CCDC61: variants seen among roughly 807,000 people sequenced by gnomAD.
CCDC61 encodes coiled-coil domain containing 61.
CCDC61 carries 55 observed loss-of-function variants against 63.0 expected under a neutral mutation model. The observed-to-expected ratio is 0.87, with a 90% CI of 0.70 to 1.09. The LOEUF is 1.09. Among genes scored for constraint, CCDC61 ranks in the 50% least tolerant of loss-of-function variants. The probability of loss-of-function intolerance (pLI) is 0.00; values close to 1 mark genes in which losing one functional copy is unlikely to be tolerated. For synonymous variants in CCDC61, 270 were observed against 317.0 expected (o/e 0.85, Z 1.58); for missense variants, 651 against 731.4 (o/e 0.89, Z 1.27).
chr19:46,013,972 C>T (rs1399260735), intron 5 of CCDC61, among the ~76,000 whole-genome samples: 1 of 152,100 alleles, frequency 6.6e-6, no homozygotes, highest in Non-Finnish European at 1.5e-5. Flanking sequence ...TCCAATGTGC[C>T]ACCAACTTTG....
rs182216344 is a variant in CCDC61 at position 46,010,265 on chromosome 19, T to C, written c.551+1964T>C. On this transcript the variant is annotated intron_variant, in intron 5 of 13. Coordinates refer to ENST00000595358, the MANE Select transcript of CCDC61 (RefSeq NM_001267723.2). Reference sequence around the variant, plus strand: ...AACTGCCCAGGGCCACCCAGCTTGTTAACAAGTGGAATAGAGTTGAATGCA... The same window carrying C: ...AACTGCCCAGGGCCACCCAGCTTGTCAACAAGTGGAATAGAGTTGAATGCA... 3.2e-3 allele frequency among the ~76,000 whole-genome samples: 486 copies of C among 152,312 alleles called. 3 individuals are homozygous for C. The highest frequency in any genetic ancestry group is 0.011 in the African/African-American group (456 of 41,584).
rs561317821 is a variant in CCDC61, at chr19:46,016,552, G to T, written c.1092-142G>T. 113 of 1,409,600 alleles carry T rather than the reference G, an allele frequency of 8.0e-5. No homozygotes were observed. In the African/African-American group the frequency reaches 1.4e-3, roughly 17 times the overall value. The allele number at this position is 1,409,600 out of a possible 1,614,324, so 87.3% of individuals were successfully genotyped here. A position where few individuals can be genotyped will look rare whatever the true frequency, so the allele number is the denominator to read the frequency against. On this transcript the variant is annotated intron_variant, in intron 9 of 13. Transcript: ENST00000595358. The surrounding 1 kb of genome is among the most constrained non-coding windows in gnomAD (Gnocchi z 7.2). ...TCCCTTCCGTCCGTCCTACCTCCTC[G>T]TCTGTGTTTCTGCGTGCTTTCCGCT... is the stretch of plus-strand genomic sequence containing the variant.
At chr19:46,013,933 C>A (rs5023036) in intron 5 of CCDC61, among the ~76,000 whole-genome samples, 1 of 151,750 alleles carries the variant, frequency 6.6e-6, no homozygotes, top group East Asian at 1.9e-4. Context: ...CTTGCTCAAA[C>A]GATGTGTTTT....
intron 1 of CCDC61, chr19:45,996,310 C>T (rs192927167): frequency 1.3e-5 from 2 of 152,440 alleles, no homozygotes; most frequent in Non-Finnish European, 2.9e-5. Context: ...GGAAGTTCAT[C>T]TGACATTCAG....
rs751150437 is a variant in CCDC61, at chr19:46,015,088, G to A, written c.591G>A (p.Ala197=). 5.3e-5 allele frequency: 74 copies of A among 1,401,922 alleles called. No homozygotes were observed. Among genetic ancestry groups the A allele is most frequent in the Non-Finnish European group, 6.6e-5 (71 of 1,078,540 alleles). The allele number at this position is 1,401,922 out of a possible 1,614,324, so 86.8% of individuals were successfully genotyped here. ...RLASEKRELE[A]QLGRSREEAL... ...CGTCCGAGAAGCGGGAGCTGGAGGC[G>A]CAGCTGGGCCGATCGCGCGAGGAGG... is the stretch of plus-strand genomic sequence containing the variant. Residue 197 remains alanine, a synonymous_variant, in exon 6 of 14, where the codon GCG becomes GCA. Coordinates refer to ENST00000595358, the MANE Select transcript of CCDC61 (RefSeq NM_001267723.2). This position sits in a 1 kb window ranked among gnomAD's most constrained non-coding sequence, Gnocchi z 5.3.
rs1968996517 is a variant in CCDC61, at chr19:46,018,377, T to C, written c.1529T>C (p.Met510Thr). 4 of 1,568,356 alleles carry C rather than the reference T, an allele frequency of 2.6e-6. No individual in the cohort carries two copies. Among genetic ancestry groups the C allele is most frequent in the Non-Finnish European group, 3.5e-6 (4 of 1,157,004 alleles). ...ALQEYMNRLDMRS is the reference protein window; with the variant it reads ...ALQEYMNRLDTRS ...CAGGAGTACATGAACCGACTGGACA[T>C]GCGGTCATAACGTGGAGAAGGGGTA... Residue 510 changes from methionine to threonine, a missense_variant, in exon 14 of 14, where the codon ATG becomes ACG. Coordinates refer to ENST00000595358, the MANE Select transcript of CCDC61 (RefSeq NM_001267723.2). This position sits in a 1 kb window ranked among gnomAD's most constrained non-coding sequence, Gnocchi z 4.2.
chr19:45,998,747 A>G (rs998599812), intron 1 of CCDC61, among the ~76,000 whole-genome samples: 1 of 152,220 alleles, frequency 6.6e-6, no homozygotes, highest in Non-Finnish European at 1.5e-5. Context: ...CACCTTATAT[A>G]CACTAAATAA....
At chr19:45,996,798 T>A (rs11881271) in intron 1 of CCDC61, among the ~76,000 whole-genome samples, 1 of 151,750 alleles carries the variant, frequency 6.6e-6, no homozygotes, top group South Asian at 2.1e-4. Context: ...AATCCAACCA[T>A]GCCTCACCAG....
At position 46,018,077 on chromosome 19, in the gene CCDC61, G is replaced by A; in HGVS notation, c.1369-1G>A. On this transcript the variant is annotated splice_acceptor_variant, in intron 12 of 13. Transcript: ENST00000595358. LOFTEE classifies it high-confidence loss of function. The surrounding 1 kb of genome is among the most constrained non-coding windows in gnomAD (Gnocchi z 4.2). ...CCCTTTCCTACCTTCCCCATCACCA[G>A]AAGTCTCCCCCCGTGGAACGCAGCC... The A allele has an allele frequency of 1.9e-6, 3 of 1,608,876 alleles. No homozygotes were observed. The highest frequency in any genetic ancestry group is 2.5e-6 in the Non-Finnish European group (3 of 1,177,922).
At chr19:46,002,653 G>A (rs1376371429) in intron 1 of CCDC61, among the ~76,000 whole-genome samples, 1 of 151,512 alleles carries the variant, frequency 6.6e-6, no homozygotes, top group Admixed American at 6.6e-5. Context: ...TTGAGCTCAA[G>A]TGATCCTCCT....
rs900397740 is a variant in CCDC61 at position 45,995,487 on chromosome 19, G to A, written c.-29G>A. 1.9e-6 allele frequency: 1 copy of A among 529,898 alleles called. No individual in the cohort carries two copies. Among genetic ancestry groups the A allele is most frequent in the African/African-American group, 1.9e-5 (1 of 51,900 alleles). 32.8% of individuals were successfully genotyped at this position (529,898 alleles called of 1,614,324 possible). On this transcript the variant is annotated 5_prime_UTR_variant, in exon 1 of 14. Coordinates refer to ENST00000595358, the MANE Select transcript of CCDC61 (RefSeq NM_001267723.2). Reference sequence around the variant, plus strand: ...TCGTCAGTTGAACCGCTCGCGAGGAGGGTTGCTAGTGGAGAAGGTGAGAGG... The same window carrying A: ...TCGTCAGTTGAACCGCTCGCGAGGAAGGTTGCTAGTGGAGAAGGTGAGAGG...
chr19:46,007,176 G>C (rs941152430), intron 4 of CCDC61, among the ~76,000 whole-genome samples: 2 of 151,902 alleles, frequency 1.3e-5, no homozygotes, highest in Non-Finnish European at 2.9e-5. Flanking sequence ...AGCCTCCAGA[G>C]TAGCTGGGAC....
At chr19:46,012,310 C>T (rs1968842998) in intron 5 of CCDC61, among the ~76,000 whole-genome samples, 2 of 152,180 alleles carry the variant, frequency 1.3e-5, no homozygotes, top group African/African-American at 4.8e-5. Context: ...TACGGTTTCA[C>T]AAATTATCAT....
At position 46,016,269 on chromosome 19, in the gene CCDC61, C is replaced by G. The variant is rs749845324; in HGVS notation, c.1015+46C>G. ...GTAGGGAGGGGACGCACTGGCGCTG[C>G]CAAGGCCCGTCTCCGGACCTAGCCG... On this transcript the variant is annotated intron_variant, in intron 8 of 13. Transcript: ENST00000595358. This position sits in a 1 kb window ranked among gnomAD's most constrained non-coding sequence, Gnocchi z 7.2. The G allele has an allele frequency of 6.2e-7, 1 of 1,607,258 alleles. No individual in the cohort carries two copies. The highest frequency in any genetic ancestry group is 8.5e-7 in the Non-Finnish European group (1 of 1,176,674).
At chr19:46,005,319 G>A (rs563785150) in intron 3 of CCDC61, among the ~76,000 whole-genome samples, 13 of 152,262 alleles carry the variant, frequency 8.5e-5, no homozygotes, top group Admixed American at 5.2e-4. Context: ...CTGGACAAGC[G>A]ATAGTTTCTT....
intron 1 of CCDC61, among the ~76,000 whole-genome samples, chr19:46,001,758 G>A (rs1268875129): frequency 3.3e-5 from 5 of 152,184 alleles, no homozygotes; most frequent in Non-Finnish European, 7.3e-5. Context: ...GGGCCTGGGG[G>A]GTGGTAATTT....
intron 5 of CCDC61, among the ~76,000 whole-genome samples, chr19:46,013,301 G>T (rs1968863647): frequency 6.6e-6 from 1 of 151,674 alleles, no homozygotes; most frequent in Non-Finnish European, 1.5e-5. Context: ...TGGGATGACA[G>T]GCATGAGCCA....
In CCDC61 at chr19:46,003,933, GGTTT is replaced by G. The variant is rs1365924580; in HGVS notation, c.231+441_231+444del. Among the ~76,000 whole-genome samples the G allele has an allele frequency of 5.3e-4, 80 of 150,810 alleles. 1 individual carries two copies. The highest frequency in any genetic ancestry group is 3.4e-4 in the African/African-American group (14 of 41,060). ...AGGTATTCTGCAACCTGCTTTTTTT[GGTTT>G]GTTTGTTTATTTTTTTTTTGAGATG... On this transcript the variant is annotated intron_variant, in intron 3 of 13. Transcript: ENST00000595358.
intron 5 of CCDC61, 101 bp downstream of exon 5, chr19:46,008,402 C>T: frequency 1.0e-6 from 1 of 992,564 alleles, no homozygotes; most frequent in Non-Finnish European, 1.5e-6. Flanking sequence ...CTGTCCTTCG[C>T]CCACCACGTA....
Sources: allele counts gnomAD v4.1 joint callset (sites outside exome capture counted in the v4.1 genomes callset), GRCh38; gene constraint gnomAD v4.1.1; non-coding constraint Gnocchi (gnomAD v3.1); transcripts MANE v1.5; gene names NCBI Gene and HGNC (gene_info 2026-07-23, HGNC 2026-07-21).